ABTB3: variants seen among roughly 807,000 people sequenced by gnomAD.
ABTB3 encodes ankyrin repeat and BTB domain containing 3.
the ABTB3 span, among the ~76,000 whole-genome samples, chr12:107,539,033 A>C: frequency 1.3e-5 from 2 of 152,198 alleles, no homozygotes; most frequent in African/African-American, 4.8e-5. Flanking sequence ...ACAGCCTGCC[A>C]CTTGCTGAGT....
At chr12:107,455,545 A>C in the ABTB3 span, among the ~76,000 whole-genome samples, 1 of 152,020 alleles carries the variant, frequency 6.6e-6, no homozygotes, top group African/African-American at 2.4e-5. Flanking sequence ...TTCTCAGTAG[A>C]GAGTAGGTCC....
At chr12:107,330,394 A>G in the ABTB3 span, among the ~76,000 whole-genome samples, 1 of 152,216 alleles carries the variant, frequency 6.6e-6, no homozygotes, top group Non-Finnish European at 1.5e-5. Flanking sequence ...CATCTTACCC[A>G]AGAAGAATCT....
the ABTB3 span, among the ~76,000 whole-genome samples, chr12:107,393,344 TG>T: frequency 0.33 from 19,485 of 58,296 alleles, 1,680 homozygotes; most frequent in East Asian, 0.58. Flanking sequence ...AGGGTGGGGG[TG>T]GGGGTGTGCT....
At chr12:107,510,249 A>G in the ABTB3 span, among the ~76,000 whole-genome samples, 1 of 152,120 alleles carries the variant, frequency 6.6e-6, no homozygotes, top group Admixed American at 6.5e-5. Context: ...GTCACTTAAC[A>G]GAAGACCAAG....
At chr12:107,335,553 C>G in the ABTB3 span, among the ~76,000 whole-genome samples, 2 of 152,176 alleles carry the variant, frequency 1.3e-5, no homozygotes, top group African/African-American at 4.8e-5. Context: ...CAGAGTTTTT[C>G]TTCTTGTATC....
chr12:107,610,343 C>T, the ABTB3 span: 2 of 1,614,110 alleles, frequency 1.2e-6, no homozygotes, highest in Non-Finnish European at 1.7e-6. Context: ...GGATCAACAC[C>T]ATGAGCGAAC....
At chr12:107,423,575 C>T in the ABTB3 span, among the ~76,000 whole-genome samples, 5 of 151,886 alleles carry the variant, frequency 3.3e-5, no homozygotes, top group Non-Finnish European at 5.9e-5. Flanking sequence ...TGTGTGGGGC[C>T]GGGAGGAGAG....
At chr12:107,399,780 A>G in the ABTB3 span, among the ~76,000 whole-genome samples, 1 of 152,096 alleles carries the variant, frequency 6.6e-6, no homozygotes, top group Non-Finnish European at 1.5e-5. Flanking sequence ...TCAACCTGTC[A>G]TCTAGGTTTT....
At chr12:107,640,198 T>A in the ABTB3 span, 1 of 590,050 alleles carries the variant, frequency 1.7e-6, no homozygotes, top group South Asian at 2.6e-5. Context: ...TGCCAAAGAG[T>A]ATTTTATCAC....
At chr12:107,359,019 C>A in the ABTB3 span, among the ~76,000 whole-genome samples, 1 of 152,224 alleles carries the variant, frequency 6.6e-6, no homozygotes, top group Non-Finnish European at 1.5e-5. Flanking sequence ...TATGTTCTGG[C>A]AGGTTGCGGG....
At chr12:107,389,444 G>A in the ABTB3 span, among the ~76,000 whole-genome samples, 1 of 151,400 alleles carries the variant, frequency 6.6e-6, no homozygotes, top group South Asian at 2.1e-4. Context: ...ATAAATGATA[G>A]AGCCGGACAG....
chr12:107,501,551 T>C, the ABTB3 span, among the ~76,000 whole-genome samples: 3 of 151,912 alleles, frequency 2.0e-5, no homozygotes, highest in Non-Finnish European at 2.9e-5. Flanking sequence ...AATACAAAAA[T>C]TAGCCCAGTG....
chr12:107,613,032 C>T, the ABTB3 span, among the ~76,000 whole-genome samples: 1 of 152,210 alleles, frequency 6.6e-6, no homozygotes, highest in Non-Finnish European at 1.5e-5. Flanking sequence ...GGTGAGACCA[C>T]CTGACAGATT....
At chr12:107,351,481 C>A in the ABTB3 span, among the ~76,000 whole-genome samples, 9 of 152,290 alleles carry the variant, frequency 5.9e-5, no homozygotes, top group Non-Finnish European at 1.2e-4. Context: ...TTGAATGCAT[C>A]CCCCAAGGTT....
At chr12:107,551,423 G>A in the ABTB3 span, among the ~76,000 whole-genome samples, 1 of 152,158 alleles carries the variant, frequency 6.6e-6, no homozygotes, top group East Asian at 1.9e-4. Flanking sequence ...TGAGCATTGT[G>A]GCAATTTATT....
At chr12:107,519,307 C>T in the ABTB3 span, among the ~76,000 whole-genome samples, 16 of 147,274 alleles carry the variant, frequency 1.1e-4, no homozygotes, top group African/African-American at 3.8e-4. Context: ...TTTCTTTTTT[C>T]TTTTCTTTTC....
the ABTB3 span, among the ~76,000 whole-genome samples, chr12:107,404,162 C>CAAA: frequency 0.015 from 590 of 40,070 alleles, no homozygotes; most frequent in Middle Eastern, 0.031. Context: ...GACTCTAACT[C>CAAA]AAAAAAAAAA....
chr12:107,478,744 C>T, the ABTB3 span, among the ~76,000 whole-genome samples: 2 of 151,992 alleles, frequency 1.3e-5, no homozygotes, highest in Non-Finnish European at 1.5e-5. Context: ...TCATTTCACC[C>T]CTTGGAGAGA....
At chr12:107,497,994 C>T in the ABTB3 span, among the ~76,000 whole-genome samples, 1 of 152,136 alleles carries the variant, frequency 6.6e-6, no homozygotes, top group African/African-American at 2.4e-5. Context: ...AGAAGACAGG[C>T]TCAGAACAAA....
Sources: gnomAD v4.1 joint callset for allele counts (sites outside exome capture counted in the v4.1 genomes callset) on GRCh38, gnomAD v4.1.1 for gene constraint, MANE v1.5 for transcripts, NCBI Gene and HGNC (gene_info 2026-07-23, HGNC 2026-07-21) for gene names.